The following PPP1R3E variants were observed in gnomAD, a reference collection of about 807,000 sequenced individuals.
PPP1R3E encodes protein phosphatase 1, regulatory (inhibitor) subunit 3E.
Under a neutral mutation model 18.5 loss-of-function variants are expected in PPP1R3E, and 20 were observed. The ratio of observed to expected loss-of-function variants is 1.08; its 90% CI spans 0.76 to 1.58. PPP1R3E has a LOEUF of 1.58. PPP1R3E is among the 40% of genes most tolerant of loss of function. PPP1R3E has a pLI of 0.00. For synonymous variants in PPP1R3E, 208 were observed against 208.1 expected, an observed-to-expected ratio of 1.00 and a Z score of 0.00; for missense variants, 498 against 460.2, an observed-to-expected ratio of 1.08 and a Z score of -0.75.
At chr14:23,300,323 A>G (rs1351337266) in intron 3 of PPP1R3E, 1 of 152,220 alleles carries the variant, frequency 6.6e-6, no homozygotes, top group African/African-American at 2.4e-5. Flanking sequence ...GGTGCTATGT[A>G]TTCTGAACCA....
Position 23,301,356 on chromosome 14 carries a change from C to G in PPP1R3E, c.*80G>C. On this transcript the variant is annotated 3_prime_UTR_variant, in exon 2 of 5. Transcript: ENST00000452015. ...CCGCTCCCGCCAATCCTGGTCTCTC[C>G]TACTCCTCCCCGCCACATCGGGTCG... The G allele has an allele frequency of 7.9e-7, 1 of 1,269,174 alleles. No individual in the cohort carries two copies. Among genetic ancestry groups the G allele is most frequent in the East Asian group, 3.4e-5 (1 of 29,344 alleles). The allele number at this position is 1,269,174 out of a possible 1,614,324, so 78.6% of individuals were successfully genotyped here. A position where few individuals can be genotyped will look rare whatever the true frequency, so the allele number is the denominator to read the frequency against.
At position 23,302,563 on chromosome 14, in the gene PPP1R3E, CG is replaced by C; in HGVS notation, c.13del (p.Arg5GlyfsTer11). MSRE[R>X]PPGTDIPRNL... ...GCGGGGAATGTCGGTGCCCGGGGGC[CG>C]CTCACGGGACATGGCAGCCCCTTCC... is the stretch of plus-strand genomic sequence containing the variant. On this transcript the variant is annotated frameshift_variant, in exon 1 of 5. Transcript: ENST00000452015. LOFTEE classifies it high-confidence loss of function. 6.8e-7 allele frequency: 1 copy of C among 1,475,502 alleles called. No homozygotes were observed. Among genetic ancestry groups the C allele is most frequent in the South Asian group, 1.3e-5 (1 of 76,182 alleles). The allele number at this position is 1,475,502 out of a possible 1,614,324, so 91.4% of individuals were successfully genotyped here.
Position 23,296,684 on chromosome 14 carries a change from G to A in PPP1R3E, c.*2620C>T, listed in dbSNP as rs1466708226. Reference sequence around the variant, plus strand: ...TTCCTAGCCTGGGAATGGGTGATCAGGAGGCCTGAGTTTAAGTCCCATCTT... The same window carrying A: ...TTCCTAGCCTGGGAATGGGTGATCAAGAGGCCTGAGTTTAAGTCCCATCTT... On this transcript the variant is annotated 3_prime_UTR_variant, in exon 5 of 5. Transcript: ENST00000452015. The A allele has an allele frequency of 6.6e-6, 1 of 152,264 alleles. No homozygotes were observed. The highest frequency in any genetic ancestry group is 1.9e-4 in the East Asian group (1 of 5,192). The allele number at this position is 152,264 out of a possible 1,614,324, so 9.4% of individuals were successfully genotyped here. A position where few individuals can be genotyped will look rare whatever the true frequency, so the allele number is the denominator to read the frequency against.
At chr14:23,300,148 A>G (rs1997903) in intron 3 of PPP1R3E, 144,059 of 152,204 alleles carry the variant, frequency 0.95, 68,231 homozygotes, top group East Asian at 0.99. Context: ...GTCTGTGAGG[A>G]CAAGAGTGAA....
chr14:23,297,143 G>A lies in PPP1R3E; in HGVS notation c.*2161C>T, dbSNP rs1886900771. 1 of 152,174 alleles carries A rather than the reference G, an allele frequency of 6.6e-6. No individual in the cohort carries two copies. Among genetic ancestry groups the A allele is most frequent in the Admixed American group, 6.6e-5 (1 of 15,262 alleles). The allele number at this position is 152,174 out of a possible 1,614,324, so 9.4% of individuals were successfully genotyped here. ...GCACTTCCCAGTCCACAGCTGACATGTTATATTCCAAATTGCTCCTGTTCA... is the reference window on the plus strand; with the variant it reads ...GCACTTCCCAGTCCACAGCTGACATATTATATTCCAAATTGCTCCTGTTCA... On this transcript the variant is annotated 3_prime_UTR_variant, in exon 5 of 5. Coordinates refer to ENST00000452015, the MANE Select transcript of PPP1R3E (RefSeq NM_001276318.2).
chr14:23,299,921 G>GTTTTTTTTTTTTTTTTT (rs1265464684), intron 3 of PPP1R3E, among the ~76,000 whole-genome samples: 1 of 44,466 alleles, frequency 2.2e-5, no homozygotes, highest in Non-Finnish European at 4.8e-5. Flanking sequence ...GTGTTTTTTT[G>GTTTTTTTTTTTTTTTTT]TTTTTGTTTT....
rs2138413031 is a variant in PPP1R3E at position 23,302,600 on chromosome 14, C to T, written c.-24G>A. 1 of 1,403,422 alleles carries T rather than the reference C, an allele frequency of 7.1e-7. No individual in the cohort carries two copies. Among genetic ancestry groups the T allele is most frequent in the East Asian group, 3.0e-5 (1 of 33,766 alleles). The allele number at this position is 1,403,422 out of a possible 1,614,324, so 86.9% of individuals were successfully genotyped here. A position where few individuals can be genotyped will look rare whatever the true frequency, so the allele number is the denominator to read the frequency against. The stretch of plus-strand genomic sequence containing the variant: ...ATGGCAGCCCCTTCCCCGGCGGGGC[C>T]AGCTCGCAGCGCCACCGCGCTCCCC... On this transcript the variant is annotated 5_prime_UTR_variant, in exon 1 of 5. Transcript: ENST00000452015.
intron 1 of PPP1R3E, 148 bp from the exon 2 acceptor site, chr14:23,302,006 A>G (rs1887058982): frequency 8.0e-7 from 1 of 1,245,252 alleles, no homozygotes; most frequent in African/African-American, 1.6e-5. Flanking sequence ...AGGGTGGCCT[A>G]GAGCCACTCG....
intron 2 of PPP1R3E, 141 bp downstream of exon 2, chr14:23,301,157 G>A (rs1887019958): frequency 2.7e-6 from 1 of 367,710 alleles, no homozygotes; most frequent in Non-Finnish European, 4.8e-6. Context: ...TGCCGTTTCG[G>A]GTCTCCTTCC....
Position 23,302,315 on chromosome 14 carries a change from C to G in PPP1R3E, c.262G>C (p.Val88Leu). Residue 88 changes from valine (V) to leucine (L), a missense_variant, in exon 1 of 5, where the codon GTG becomes CTG. Val to Leu is a conservative substitution (Grantham distance 32, BLOSUM62 1). Coordinates refer to ENST00000452015, the MANE Select transcript of PPP1R3E (RefSeq NM_001276318.2). ...RSRSPDTRKR[V>L]RFADALGLEL... ...AACCCCAGTGCGTCGGCGAAACGCA[C>G]TCTCTTGCGGGTGTCTGGGCTACGG... The G allele has an allele frequency of 2.6e-6, 4 of 1,519,206 alleles. No individual in the cohort carries two copies. The highest frequency in any genetic ancestry group is 3.5e-6 in the Non-Finnish European group (4 of 1,141,378). 94.1% of individuals were successfully genotyped at this position (1,519,206 alleles called of 1,614,324 possible). A position where few individuals can be genotyped will look rare whatever the true frequency, so the allele number is the denominator to read the frequency against.
rs1886922032 is a variant in PPP1R3E at position 23,297,918 on chromosome 14, A to C, written c.*1386T>G. On this transcript the variant is annotated 3_prime_UTR_variant, in exon 5 of 5. Coordinates refer to ENST00000452015, the MANE Select transcript of PPP1R3E (RefSeq NM_001276318.2). The stretch of plus-strand genomic sequence containing the variant: ...CTTACCCAGTAACATCGGGATTCCT[A>C]GAAAAGGCCCAAGCACAGACCCTCT... The C allele has an allele frequency of 6.6e-6, 1 of 151,514 alleles. No homozygotes were observed. The highest frequency in any genetic ancestry group is 6.6e-5 in the Admixed American group (1 of 15,232). The allele number at this position is 151,514 out of a possible 1,614,324, so 9.4% of individuals were successfully genotyped here.
chr14:23,301,853 C>T lies in PPP1R3E; in HGVS notation c.423G>A (p.Ala141=). The change falls in exon 2 of 5, where the codon GCG becomes GCA. Residue 141 remains alanine, a synonymous_variant. Transcript: ENST00000452015. ...CGCTGGCCGGCTCCAGGGCGGCGCG[C>T]GCCTCCTGGGGGAAAGAAGAAGCGG... ...CQPRARGLQE[A]RAALEPASEP... The T allele has an allele frequency of 7.0e-7, 1 of 1,437,410 alleles. No individual in the cohort carries two copies. The allele number at this position is 1,437,410 out of a possible 1,614,324, so 89.0% of individuals were successfully genotyped here.
Position 23,301,548 on chromosome 14 carries a change from G to GAC in PPP1R3E, c.727_728insGT (p.Thr243SerfsTer97). 6.7e-7 allele frequency: 1 copy of GAC among 1,496,278 alleles called. No homozygotes were observed. The highest frequency in any genetic ancestry group is 8.9e-7 in the Non-Finnish European group (1 of 1,128,796). The allele number at this position is 1,496,278 out of a possible 1,614,324, so 92.7% of individuals were successfully genotyped here. A position where few individuals can be genotyped will look rare whatever the true frequency, so the allele number is the denominator to read the frequency against. ...GTTGTTGTCCCAGAACTCGTGACCT[G>GAC]TCACACGGTAGCGCAAGGCGAAGAG... On this transcript the variant is annotated frameshift_variant, in exon 2 of 5. Transcript: ENST00000452015. LOFTEE classifies it high-confidence loss of function.
At chr14:23,299,932 T>TTG (rs1555325100) in intron 3 of PPP1R3E, among the ~76,000 whole-genome samples, 17 of 107,790 alleles carry the variant, frequency 1.6e-4, no homozygotes, top group Middle Eastern at 4.0e-3. Flanking sequence ...TTTTTGTTTT[T>TTG]TTTTTTTTTT....
chr14:23,301,653 T>C lies in PPP1R3E; in HGVS notation c.623A>G (p.Tyr208Cys). ...CGGCGGGGGCGGGGCCGGACCGGCGTAGGCGGCTGGCGCCTCGCGTTGGCT... is the reference window on the plus strand; with the variant it reads ...CGGCGGGGGCGGGGCCGGACCGGCGCAGGCGGCTGGCGCCTCGCGTTGGCT... The part of the protein sequence containing the change: ...WRSQREAPAA[Y>C]AGPAPPPPRA... Residue 208 changes from tyrosine to cysteine, a missense_variant, in exon 2 of 5, where the codon TAC becomes TGC. Physicochemically the swap from Tyr to Cys is radical, Grantham distance 194. Coordinates refer to ENST00000452015, the MANE Select transcript of PPP1R3E (RefSeq NM_001276318.2). 1 of 1,317,372 alleles carries C rather than the reference T, an allele frequency of 7.6e-7. No individual in the cohort carries two copies. The allele number at this position is 1,317,372 out of a possible 1,614,324, so 81.6% of individuals were successfully genotyped here.
chr14:23,301,351 C>T lies in PPP1R3E; in HGVS notation c.*85G>A. 1 of 1,199,634 alleles carries T rather than the reference C, an allele frequency of 8.3e-7. No individual in the cohort carries two copies. Among genetic ancestry groups the T allele is most frequent in the Middle Eastern group, 3.4e-4 (1 of 2,982 alleles). The allele number at this position is 1,199,634 out of a possible 1,614,324, so 74.3% of individuals were successfully genotyped here. A position where few individuals can be genotyped will look rare whatever the true frequency, so the allele number is the denominator to read the frequency against. ...TTGGACCGCTCCCGCCAATCCTGGTCTCTCCTACTCCTCCCCGCCACATCG... is the reference window on the plus strand; with the variant it reads ...TTGGACCGCTCCCGCCAATCCTGGTTTCTCCTACTCCTCCCCGCCACATCG... On this transcript the variant is annotated 3_prime_UTR_variant, in exon 2 of 5. Transcript: ENST00000452015.
intron 1 of PPP1R3E, 60 bp downstream of exon 1, chr14:23,302,100 C>A: frequency 7.2e-7 from 1 of 1,379,430 alleles, no homozygotes; most frequent in Non-Finnish European, 9.3e-7. Flanking sequence ...TCCACTCCCA[C>A]AAGCCCGCTG....
chr14:23,299,921 G>A (rs199832257), intron 3 of PPP1R3E, among the ~76,000 whole-genome samples: 1 of 44,466 alleles, frequency 2.2e-5, no homozygotes, highest in Non-Finnish European at 4.8e-5. Flanking sequence ...GTGTTTTTTT[G>A]TTTTTGTTTT....
Position 23,301,833 on chromosome 14 carries a change from G to T in PPP1R3E, c.443C>A (p.Ala148Asp). Reference sequence around the variant, plus strand: ...GCGGGCGGCGAAGCCGGGCTCGCTGGCCGGCTCCAGGGCGGCGCGCGCCTC... The same window carrying T: ...GCGGGCGGCGAAGCCGGGCTCGCTGTCCGGCTCCAGGGCGGCGCGCGCCTC... ...LQEARAALEP[A>D]SEPGFAARLL... Residue 148 changes from alanine (A) to aspartate (D), a missense_variant, in exon 2 of 5, where the codon GCC (alanine) becomes GAC (aspartate). By Grantham distance (126) the Ala-to-Asp change is moderately radical. Coordinates refer to ENST00000452015, the MANE Select transcript of PPP1R3E (RefSeq NM_001276318.2). The T allele has an allele frequency of 6.8e-7, 1 of 1,469,256 alleles. No individual in the cohort carries two copies. Among genetic ancestry groups the T allele is most frequent in the Middle Eastern group, 2.4e-4 (1 of 4,216 alleles). 91.0% of individuals were successfully genotyped at this position (1,469,256 alleles called of 1,614,324 possible). A position where few individuals can be genotyped will look rare whatever the true frequency, so the allele number is the denominator to read the frequency against.
Sources: gnomAD v4.1 joint callset for allele counts (sites outside exome capture counted in the v4.1 genomes callset) on GRCh38, gnomAD v4.1.1 for gene constraint, MANE v1.5 for transcripts, NCBI Gene and HGNC (gene_info 2026-07-23, HGNC 2026-07-21) for gene names.